The following DYNC1I1 variants were observed in gnomAD, a reference collection of about 807,000 sequenced individuals.
DYNC1I1 encodes the protein dynein cytoplasmic 1 intermediate chain 1, also known as cytoplasmic dynein 1 intermediate chain 1.
In DYNC1I1, 43 loss-of-function variants were observed where a neutral mutation model predicts 86.6. The ratio of observed to expected loss-of-function variants is 0.50; its 90% CI spans 0.39 to 0.64. The LOEUF is 0.64. Among genes scored for constraint, DYNC1I1 ranks in the 30% least tolerant of loss-of-function variants. The pLI is 0.00. For synonymous variants in DYNC1I1, 262 were observed against 283.7 expected (o/e 0.92, Z 0.77); for missense variants, 604 against 788.8 (o/e 0.77, Z 2.81).
intron 6 of DYNC1I1, among the ~76,000 whole-genome samples, chr7:95,960,208 G>A (rs1792829654): frequency 6.6e-6 from 1 of 152,188 alleles, no homozygotes; most frequent in Non-Finnish European, 1.5e-5. Context: ...CTGGGTTTAA[G>A]CTATTCAACT....
intron 6 of DYNC1I1, among the ~76,000 whole-genome samples, chr7:95,968,765 C>T (rs1453277475): frequency 6.6e-6 from 1 of 151,592 alleles, no homozygotes; most frequent in Non-Finnish European, 1.5e-5. Context: ...ACAGAGGAGT[C>T]CCTCCTTATT....
At chr7:95,872,375 T>G (rs987557537) in intron 6 of DYNC1I1, among the ~76,000 whole-genome samples, 2 of 152,232 alleles carry the variant, frequency 1.3e-5, no homozygotes, top group African/African-American at 4.8e-5. Flanking sequence ...TTATTTTTTG[T>G]CATTGTTTGA....
intron 6 of DYNC1I1, among the ~76,000 whole-genome samples, chr7:95,954,518 A>G (rs1415079239): frequency 1.3e-5 from 2 of 152,052 alleles, no homozygotes; most frequent in Non-Finnish European, 2.9e-5. Flanking sequence ...TACAATGATC[A>G]GGCATTTAAG....
At chr7:96,031,591 A>G (rs1425465484) in intron 11 of DYNC1I1, among the ~76,000 whole-genome samples, 1 of 152,152 alleles carries the variant, frequency 6.6e-6, no homozygotes, top group Non-Finnish European at 1.5e-5. Context: ...ACATTAGATG[A>G]TTATTACCAC....
chr7:95,919,092 T>A (rs1244454016), intron 6 of DYNC1I1, among the ~76,000 whole-genome samples: 1 of 152,222 alleles, frequency 6.6e-6, no homozygotes, highest in Non-Finnish European at 1.5e-5. Flanking sequence ...ACATGCTGAT[T>A]GTTTGCTCAG....
chr7:95,854,943 G>C (rs1217895324), intron 5 of DYNC1I1, among the ~76,000 whole-genome samples: 1 of 152,162 alleles, frequency 6.6e-6, no homozygotes, highest in Non-Finnish European at 1.5e-5. Context: ...CTTGGTGATA[G>C]GTATGAGAGT....
At chr7:96,039,450 A>G (rs901245741) in intron 14 of DYNC1I1, 29 bp downstream of exon 14, 1 of 1,613,254 alleles carries the variant, frequency 6.2e-7, no homozygotes, top group Non-Finnish European at 8.5e-7. Flanking sequence ...AAATTCTCAG[A>G]TAATACATAA....
intron 6 of DYNC1I1, among the ~76,000 whole-genome samples, chr7:95,905,653 G>A (rs573687608): frequency 7.9e-5 from 12 of 151,846 alleles, no homozygotes; most frequent in African/African-American, 2.7e-4. Context: ...GTCTTTCTTC[G>A]GGTAGGGATA....
intron 5 of DYNC1I1, among the ~76,000 whole-genome samples, chr7:95,834,714 C>G (rs201018857): frequency 9.3e-6 from 1 of 107,130 alleles, no homozygotes. Flanking sequence ...GTGTATGTGT[C>G]GAGGAATTTA....
intron 1 of DYNC1I1, among the ~76,000 whole-genome samples, chr7:95,773,843 G>A (rs1793771394): frequency 6.6e-6 from 1 of 152,170 alleles, no homozygotes; most frequent in African/African-American, 2.4e-5. Flanking sequence ...TAACCAGTCT[G>A]TGTACATACT....
intron 8 of DYNC1I1, among the ~76,000 whole-genome samples, chr7:95,985,709 C>T (rs552514591): frequency 1.1e-4 from 16 of 152,216 alleles, no homozygotes; most frequent in African/African-American, 3.6e-4. Flanking sequence ...TTGCCTTTTT[C>T]ATCAGGCCTG....
At chr7:96,003,397 A>G (rs1185272913) in intron 10 of DYNC1I1, among the ~76,000 whole-genome samples, 1 of 152,224 alleles carries the variant, frequency 6.6e-6, no homozygotes, top group Non-Finnish European at 1.5e-5. Context: ...CTATGAAGCA[A>G]GAATAAGGAT....
intron 10 of DYNC1I1, among the ~76,000 whole-genome samples, chr7:96,007,707 C>A (rs1335614216): frequency 1.3e-5 from 2 of 152,114 alleles, no homozygotes; most frequent in East Asian, 3.8e-4. Context: ...ACACTCTAAG[C>A]CTCTGTACAG....
chr7:96,047,980 G>A (rs1196686349), intron 14 of DYNC1I1, among the ~76,000 whole-genome samples: 3 of 152,106 alleles, frequency 2.0e-5, no homozygotes, highest in Non-Finnish European at 2.9e-5. Flanking sequence ...ACTAAAAAAA[G>A]GCTTACAAGT....
At chr7:95,808,131 T>G (rs956468311) in intron 2 of DYNC1I1, among the ~76,000 whole-genome samples, 1 of 152,162 alleles carries the variant, frequency 6.6e-6, no homozygotes, top group Non-Finnish European at 1.5e-5. Flanking sequence ...CCATGGGATA[T>G]CGACTGGCCA....
At chr7:95,991,017 A>G (rs887932134) in intron 9 of DYNC1I1, among the ~76,000 whole-genome samples, 1 of 149,378 alleles carries the variant, frequency 6.7e-6, no homozygotes, top group Non-Finnish European at 1.5e-5. Flanking sequence ...AGACAGATCA[A>G]GACCCTGTCT....
At chr7:95,832,162 C>T (rs1483324884) in intron 5 of DYNC1I1, among the ~76,000 whole-genome samples, 1 of 113,138 alleles carries the variant, frequency 8.8e-6, no homozygotes, top group African/African-American at 3.7e-5. Flanking sequence ...TGTTCCCCTT[C>T]CTGTGTCCAT....
At chr7:95,777,989 T>C (rs1398372225) in intron 1 of DYNC1I1, among the ~76,000 whole-genome samples, 1 of 152,222 alleles carries the variant, frequency 6.6e-6, no homozygotes, top group Non-Finnish European at 1.5e-5. Flanking sequence ...TTGTAAACTT[T>C]GACAGTTAAA....
intron 11 of DYNC1I1, among the ~76,000 whole-genome samples, chr7:96,028,755 C>G (rs1365768966): frequency 6.6e-6 from 1 of 152,190 alleles, no homozygotes; most frequent in Non-Finnish European, 1.5e-5. Flanking sequence ...TGAGAGAGTA[C>G]TTTGACTTTA....
Sources: gnomAD v4.1 joint callset for allele counts (sites outside exome capture counted in the v4.1 genomes callset) on GRCh38, gnomAD v4.1.1 for gene constraint, MANE v1.5 for transcripts, NCBI Gene and HGNC (gene_info 2026-07-23, HGNC 2026-07-21) for gene names.